Variants in PDE4B observed in about 807,000 individuals in gnomAD.
PDE4B encodes the protein 3',5'-cyclic-AMP phosphodiesterase 4B.
In PDE4B, 20 loss-of-function variants were observed where a neutral mutation model predicts 82.2. The observed-to-expected ratio is 0.24, with a 90% CI of 0.17 to 0.35. The LOEUF is 0.35. Among genes scored for constraint, PDE4B ranks in the 10% least tolerant of loss-of-function variants. The pLI, the probability that PDE4B is intolerant of heterozygous loss-of-function variation, is 1.00. For synonymous variants in PDE4B, 320 were observed against 318.9 expected (o/e 1.00, Z -0.04); for missense variants, 655 against 907.2 (o/e 0.72, Z 3.57).
At chr1:66,361,427 T>G (rs1407849537) in intron 9 of PDE4B, among the ~76,000 whole-genome samples, 188 bp from the exon 10 acceptor site, 2 of 152,202 alleles carry the variant, frequency 1.3e-5, no homozygotes, top group Non-Finnish European at 2.9e-5. Context: ...AATCTTATTT[T>G]TCTCAACAAA....
intron 4 of PDE4B, among the ~76,000 whole-genome samples, chr1:66,249,045 T>C (rs1210818393): frequency 6.6e-6 from 1 of 152,214 alleles, no homozygotes; most frequent in Non-Finnish European, 1.5e-5. Context: ...CCATCCATGT[T>C]CTTCAAATTG....
intron 8 of PDE4B, among the ~76,000 whole-genome samples, chr1:66,343,169 T>C (rs12093599): frequency 0.12 from 18,389 of 152,072 alleles, 2,978 homozygotes; most frequent in African/African-American, 0.37. Context: ...AAGGCACAGA[T>C]TTTTTTTAAA....
chr1:66,339,410 G>T (rs927202731), intron 8 of PDE4B, among the ~76,000 whole-genome samples: 1 of 152,186 alleles, frequency 6.6e-6, no homozygotes, highest in Admixed American at 6.5e-5. Flanking sequence ...TAGTAAGTTT[G>T]ATTTGTAATC....
At chr1:66,041,825 C>CGCAT (rs1553136769) in intron 3 of PDE4B, among the ~76,000 whole-genome samples, 1 of 40,422 alleles carries the variant, frequency 2.5e-5, no homozygotes, top group Non-Finnish European at 7.2e-5. Flanking sequence ...CACACACACA[C>CGCAT]ACATACACAC....
chr1:65,920,354 G>A (rs1183993454), intron 3 of PDE4B, among the ~76,000 whole-genome samples: 1 of 152,196 alleles, frequency 6.6e-6, no homozygotes, highest in Non-Finnish European at 1.5e-5. Context: ...CTGGCACAGA[G>A]GAATCTGGTT....
At chr1:65,927,463 TATATA>T (rs1381466880) in intron 3 of PDE4B, among the ~76,000 whole-genome samples, 4 of 147,544 alleles carry the variant, frequency 2.7e-5, no homozygotes, top group Admixed American at 6.8e-5. Flanking sequence ...ATGTATTATA[TATATA>T]ATATATGTAA....
Position 66,372,668 on chromosome 1 carries a change from T to C in PDE4B, c.2201T>C (p.Val734Ala), listed in dbSNP as rs1231451546. Reference sequence around the variant, plus strand: ...ATTGCAACAGAAGACAAGTCCCCCGTGGATACATAATCCCCCTCTCCCTGT... The same window carrying C: ...ATTGCAACAGAAGACAAGTCCCCCGCGGATACATAATCCCCCTCTCCCTGT... ...IDIATEDKSP[V>A]DT The change falls in exon 17 of 17, where the codon GTG becomes GCG. Residue 734 changes from valine (V) to alanine (A), a missense_variant. By Grantham distance (64) the Val-to-Ala change is moderately conservative. Transcript: ENST00000341517. The C allele has an allele frequency of 1.9e-6, 3 of 1,611,430 alleles. No individual in the cohort carries two copies. Among genetic ancestry groups the C allele is most frequent in the Non-Finnish European group, 2.5e-6 (3 of 1,178,350 alleles).
At chr1:65,965,102 A>T (rs1649744863) in intron 3 of PDE4B, among the ~76,000 whole-genome samples, 1 of 152,096 alleles carries the variant, frequency 6.6e-6, no homozygotes, top group Non-Finnish European at 1.5e-5. Context: ...TGCCAAATGT[A>T]TGGTGTAGGG....
intron 8 of PDE4B, among the ~76,000 whole-genome samples, chr1:66,347,269 C>T (rs1014315114): frequency 8.5e-5 from 13 of 152,170 alleles, no homozygotes; most frequent in Non-Finnish European, 1.6e-4. Context: ...TAATGGAAAA[C>T]ACAAAATACA....
chr1:65,980,774 C>T (rs78701484), intron 3 of PDE4B, among the ~76,000 whole-genome samples: 1 of 152,214 alleles, frequency 6.6e-6, no homozygotes, highest in African/African-American at 2.4e-5. Context: ...AAAATTCCTA[C>T]ATGTTACTTT....
At chr1:66,220,323 C>T (rs548509948) in intron 3 of PDE4B, among the ~76,000 whole-genome samples, 1 of 152,272 alleles carries the variant, frequency 6.6e-6, no homozygotes, top group African/African-American at 2.4e-5. Flanking sequence ...TTAAGCTTCA[C>T]CTCCCTTCCA....
In PDE4B at chr1:66,363,084, A is replaced by C. The variant is rs528154132; in HGVS notation, c.1021-84A>C. 2.8e-5 allele frequency: 25 copies of C among 884,846 alleles called. No homozygotes were observed. In the African/African-American group the frequency reaches 4.2e-4, roughly 15 times the overall value. 54.8% of individuals were successfully genotyped at this position (884,846 alleles called of 1,614,324 possible). A position where few individuals can be genotyped will look rare whatever the true frequency, so the allele number is the denominator to read the frequency against. ...AGACACTCTAAAGACTTAAACAGCC[A>C]ATGTCCAAAAAATAAATTAAAAAAA... On this transcript the variant is annotated intron_variant, in intron 10 of 16. Transcript: ENST00000341517.
At chr1:66,255,033 CTTTTCTTTTCTTTCATTCTTT>C in intron 4 of PDE4B, among the ~76,000 whole-genome samples, 1 of 151,586 alleles carries the variant, frequency 6.6e-6, no homozygotes, top group African/African-American at 2.4e-5. Flanking sequence ...TTTCTCTTTT[CTTTTCTTTTCTTTCATTCTTT>C]TTTTCTTTTC....
chr1:66,270,667 A>G (rs1413879137), intron 7 of PDE4B, among the ~76,000 whole-genome samples: 1 of 152,236 alleles, frequency 6.6e-6, no homozygotes, highest in African/African-American at 2.4e-5. Context: ...TACATTAAGC[A>G]AGAACTGTCA....
chr1:66,012,013 A>T (rs1652513339), intron 3 of PDE4B, among the ~76,000 whole-genome samples: 1 of 152,122 alleles, frequency 6.6e-6, no homozygotes, highest in Admixed American at 6.6e-5. Context: ...AAGACATTAT[A>T]ATTGTTTCCC....
intron 1 of PDE4B, among the ~76,000 whole-genome samples, chr1:65,886,373 G>A (rs1258949011): frequency 6.6e-6 from 1 of 152,068 alleles, no homozygotes; most frequent in Admixed American, 6.6e-5. Flanking sequence ...TTATTTCTAT[G>A]TATTAGGAAC....
intron 2 of PDE4B, among the ~76,000 whole-genome samples, chr1:65,918,149 A>G (rs1002080849): frequency 6.6e-6 from 1 of 152,214 alleles, no homozygotes; most frequent in African/African-American, 2.4e-5. Flanking sequence ...GCGAGACTCC[A>G]TCTCCAAAAA....
At chr1:66,165,934 C>A (rs368385440) in intron 3 of PDE4B, among the ~76,000 whole-genome samples, 2 of 144,884 alleles carry the variant, frequency 1.4e-5, no homozygotes. Flanking sequence ...CTATAAAAAA[C>A]AAATCAAACC....
At chr1:66,110,692 AG>A (rs1374303225) in intron 3 of PDE4B, among the ~76,000 whole-genome samples, 3 of 152,096 alleles carry the variant, frequency 2.0e-5, no homozygotes, top group Non-Finnish European at 4.4e-5. Context: ...AGATAAAAAT[AG>A]TACTACCTCA....
Sources: allele counts gnomAD v4.1 joint callset (sites outside exome capture counted in the v4.1 genomes callset), GRCh38; gene constraint gnomAD v4.1.1; transcripts MANE v1.5; gene names NCBI Gene and HGNC (gene_info 2026-07-23, HGNC 2026-07-21).